Variants in SYNPO2 observed in about 807,000 individuals in gnomAD.
SYNPO2 encodes synaptopodin 2.
Under a neutral mutation model 85.0 loss-of-function variants are expected in SYNPO2, and 56 were observed. That is an observed-to-expected ratio of 0.66 (90% CI 0.53 to 0.82). SYNPO2 has a LOEUF of 0.82. SYNPO2 is among the 40% of genes least tolerant of loss of function. The pLI is 0.00. For missense variants in SYNPO2, 1,575 were observed against 1,534.2 expected (o/e 1.03, Z -0.44); for synonymous variants, 602 against 591.1 (o/e 1.02, Z -0.27).
intron 2 of SYNPO2, among the ~76,000 whole-genome samples, chr4:119,024,839 T>A (rs1482570719): frequency 6.6e-6 from 1 of 152,236 alleles, no homozygotes; most frequent in African/African-American, 2.4e-5. Flanking sequence ...CTGTCACTCA[T>A]ATCACTGTCA....
chr4:119,027,389 C>T lies in SYNPO2; in HGVS notation c.1020C>T (p.Arg340=). 6.2e-7 allele frequency: 1 copy of T among 1,612,572 alleles called. No individual in the cohort carries two copies. The highest frequency in any genetic ancestry group is 8.5e-7 in the Non-Finnish European group (1 of 1,179,458). ...SEGTEQGEDP[R]SEKDHSRPHK... ...GCACAGAGCAGGGAGAAGATCCACGCTCGGAAAAAGATCACAGCAGACCTC... is the reference window on the plus strand; with the variant it reads ...GCACAGAGCAGGGAGAAGATCCACGTTCGGAAAAAGATCACAGCAGACCTC... Residue 340 remains arginine (R), a synonymous_variant, in exon 3 of 5, where the codon CGC becomes CGT. Transcript: ENST00000307142.
At chr4:119,041,671 T>C (rs1480334909) in intron 4 of SYNPO2, among the ~76,000 whole-genome samples, 1 of 152,228 alleles carries the variant, frequency 6.6e-6, no homozygotes. Context: ...CAACACTAAA[T>C]ATATTACTTA....
intron 1 of SYNPO2, among the ~76,000 whole-genome samples, chr4:118,913,093 A>G (rs1448049339): frequency 3.3e-5 from 5 of 152,216 alleles, no homozygotes; most frequent in Non-Finnish European, 7.3e-5. Flanking sequence ...GTGCAACAGT[A>G]CTATGCTAGG....
intron 1 of SYNPO2, among the ~76,000 whole-genome samples, chr4:118,932,823 C>T (rs1431820524): frequency 6.6e-6 from 1 of 152,154 alleles, no homozygotes; most frequent in Non-Finnish European, 1.5e-5. Context: ...TGGAGTGTCC[C>T]TTACAAATCT....
intron 1 of SYNPO2, among the ~76,000 whole-genome samples, chr4:118,986,176 A>T (rs188170592): frequency 1.6e-3 from 246 of 152,272 alleles, no homozygotes; most frequent in African/African-American, 5.9e-3. Flanking sequence ...TAATATTTAA[A>T]CCCACCCTAT....
intron 1 of SYNPO2, among the ~76,000 whole-genome samples, chr4:118,899,257 CTAA>C: frequency 6.6e-6 from 1 of 152,188 alleles, no homozygotes; most frequent in South Asian, 2.1e-4. Flanking sequence ...TACTGATGGG[CTAA>C]TATTTTATGT....
At position 119,045,020 on chromosome 4, in the gene SYNPO2, G is replaced by C. The variant is rs1272780745; in HGVS notation, c.3253-12381G>C. Among the ~76,000 whole-genome samples the C allele has an allele frequency of 2.6e-5, 4 of 152,182 alleles. No homozygotes were observed. The East Asian group carries it at 7.7e-4, about 29-fold the overall frequency. ...AGTGGGAAGTTTTGGGAATGTTATTGTGCAGAGGCCAAATCAAGTTTGTTA... is the reference window on the plus strand; with the variant it reads ...AGTGGGAAGTTTTGGGAATGTTATTCTGCAGAGGCCAAATCAAGTTTGTTA... On this transcript the variant is annotated intron_variant, in intron 4 of 4. Coordinates refer to ENST00000307142, the MANE Select transcript of SYNPO2 (RefSeq NM_133477.3).
At chr4:119,033,842 T>G (rs1738384538) in intron 4 of SYNPO2, 12 of 984,274 alleles carry the variant, frequency 1.2e-5, no homozygotes, top group Non-Finnish European at 1.4e-5. Context: ...TCATTGTTGT[T>G]AGCATATCTA....
chr4:118,921,913 C>A (rs1733553176), intron 1 of SYNPO2, among the ~76,000 whole-genome samples: 1 of 151,962 alleles, frequency 6.6e-6, no homozygotes, highest in Non-Finnish European at 1.5e-5. Flanking sequence ...CAGTCTTGGC[C>A]CTAAATTAAT....
chr4:119,012,032 C>T (rs1176835557), intron 1 of SYNPO2, among the ~76,000 whole-genome samples: 2 of 149,480 alleles, frequency 1.3e-5, no homozygotes, highest in East Asian at 4.1e-4. Context: ...AAGTAATTCT[C>T]CTGCCTCAGC....
At chr4:118,955,912 T>C (rs1734859356) in intron 1 of SYNPO2, among the ~76,000 whole-genome samples, 1 of 152,014 alleles carries the variant, frequency 6.6e-6, no homozygotes, top group Admixed American at 6.6e-5. Flanking sequence ...TACCTGGAAG[T>C]TGGTGCATTT....
At chr4:118,992,102 A>G (rs1191752000) in intron 1 of SYNPO2, among the ~76,000 whole-genome samples, 1 of 152,122 alleles carries the variant, frequency 6.6e-6, no homozygotes, top group Non-Finnish European at 1.5e-5. Flanking sequence ...GGTGCTAGGG[A>G]GGTAGGTGGA....
At chr4:118,950,355 C>G (rs979123072) in intron 1 of SYNPO2, among the ~76,000 whole-genome samples, 5 of 152,098 alleles carry the variant, frequency 3.3e-5, no homozygotes, top group Admixed American at 6.6e-5. Flanking sequence ...ACTCACAGTT[C>G]CCAAGGGTAG....
intron 2 of SYNPO2, among the ~76,000 whole-genome samples, chr4:119,024,444 A>G (rs1223985828): frequency 6.6e-6 from 1 of 152,164 alleles, no homozygotes; most frequent in Non-Finnish European, 1.5e-5. Flanking sequence ...TCAACTCTGC[A>G]GAAACACTAC....
intron 4 of SYNPO2, among the ~76,000 whole-genome samples, chr4:119,049,744 C>T (rs984578366): frequency 1.3e-5 from 2 of 152,322 alleles, no homozygotes; most frequent in Admixed American, 6.5e-5. Context: ...GATAAACCAA[C>T]ATTTAATTGA....
chr4:118,861,945 T>G (rs1419636635), intron 1 of SYNPO2, among the ~76,000 whole-genome samples: 1 of 152,246 alleles, frequency 6.6e-6, no homozygotes, highest in East Asian at 1.9e-4. Flanking sequence ...ATGGACATTT[T>G]AACAATATTG....
chr4:119,048,466 C>T (rs1433924555), intron 4 of SYNPO2, among the ~76,000 whole-genome samples: 3 of 152,030 alleles, frequency 2.0e-5, no homozygotes. Context: ...ACCTTAATTT[C>T]TAGTGGAGAG....
intron 1 of SYNPO2, among the ~76,000 whole-genome samples, chr4:118,926,380 G>A (rs908841509): frequency 6.6e-6 from 1 of 152,096 alleles, no homozygotes; most frequent in Non-Finnish European, 1.5e-5. Context: ...TTTCAACAGT[G>A]GAATATAAAG....
chr4:118,916,241 T>C (rs1311231965), intron 1 of SYNPO2, among the ~76,000 whole-genome samples: 4 of 151,858 alleles, frequency 2.6e-5, no homozygotes, highest in African/African-American at 7.3e-5. Context: ...GGTACAATCT[T>C]AGCTCACTGC....
Sources: gnomAD v4.1 joint callset for allele counts (sites outside exome capture counted in the v4.1 genomes callset) on GRCh38, gnomAD v4.1.1 for gene constraint, MANE v1.5 for transcripts, NCBI Gene and HGNC (gene_info 2026-07-23, HGNC 2026-07-21) for gene names.